Variants in PLEKHM3 observed in about 807,000 individuals in gnomAD.
PLEKHM3 encodes the protein pleckstrin homology domain containing M3.
PLEKHM3 carries 45 observed loss-of-function variants against 81.8 expected under a neutral mutation model. The observed-to-expected ratio is 0.55, with a 90% CI of 0.43 to 0.71. The LOEUF is 0.71. Ranked by LOEUF, PLEKHM3 falls within the 30% of genes least tolerant of loss-of-function variation. The probability of loss-of-function intolerance (pLI) is 0.00; values close to 1 mark genes in which losing one functional copy is unlikely to be tolerated. For missense variants in PLEKHM3, 788 were observed against 924.3 expected, an observed-to-expected ratio of 0.85 and a Z score of 1.91; for synonymous variants, 352 against 356.4, an observed-to-expected ratio of 0.99 and a Z score of 0.14.
intron 4 of PLEKHM3, among the ~76,000 whole-genome samples, chr2:207,940,880 G>T (rs749526277): frequency 6.6e-5 from 10 of 152,284 alleles, no homozygotes; most frequent in Middle Eastern, 3.4e-3. Context: ...AAGAGAAGGG[G>T]TTCTTCTTTC....
At position 208,001,738 on chromosome 2, in the gene PLEKHM3, T is replaced by C. The variant is rs764036845; in HGVS notation, c.-99A>G. 318 of 1,501,318 alleles carry C rather than the reference T, an allele frequency of 2.1e-4. No individual in the cohort carries two copies. Among genetic ancestry groups the C allele is most frequent in the Non-Finnish European group, 2.7e-4 (305 of 1,131,724 alleles). The allele number at this position is 1,501,318 out of a possible 1,614,324, so 93.0% of individuals were successfully genotyped here. ...GAGGGGTGCTTCAGCAATAGAGCTA[T>C]GGAAACAACTGGAAGAAACCTTCAT... is the stretch of plus-strand genomic sequence containing the variant. On this transcript the variant is annotated 5_prime_UTR_variant, in exon 2 of 8. Coordinates refer to ENST00000427836, the MANE Select transcript of PLEKHM3 (RefSeq NM_001080475.3).
In PLEKHM3 at chr2:207,977,540, C is replaced by T. The variant is rs1485705764; in HGVS notation, c.657G>A (p.Glu219=). Residue 219 remains glutamate, a synonymous_variant, in exon 3 of 8, where the codon GAG becomes GAA. Transcript: ENST00000427836. The part of the protein sequence containing the change: ...FPNILKKGYL[E]IRKDHDSYWQ... ...AGTAACTGTCATGGTCCTTTCTAATCTCCAGGTAACCCTTCTTTAGAATGT... is the reference window on the plus strand; with the variant it reads ...AGTAACTGTCATGGTCCTTTCTAATTTCCAGGTAACCCTTCTTTAGAATGT... 2 of 1,613,314 alleles carry T rather than the reference C, an allele frequency of 1.2e-6. No homozygotes were observed. Among genetic ancestry groups the T allele is most frequent in the Admixed American group, 1.7e-5 (1 of 59,884 alleles).
chr2:208,011,478 A>T (rs2106113247), intron 1 of PLEKHM3, among the ~76,000 whole-genome samples: 1 of 152,272 alleles, frequency 6.6e-6, no homozygotes, highest in Middle Eastern at 3.4e-3. Context: ...ATGGGATTGG[A>T]GACTACTATT....
chr2:207,970,632 C>T (rs1283000936), intron 3 of PLEKHM3, among the ~76,000 whole-genome samples: 1 of 152,158 alleles, frequency 6.6e-6, no homozygotes, highest in African/African-American at 2.4e-5. Flanking sequence ...GCCTTTGATT[C>T]CCACTCAGAC....
chr2:207,996,059 G>A (rs1258135244), intron 2 of PLEKHM3, among the ~76,000 whole-genome samples: 1 of 152,208 alleles, frequency 6.6e-6, no homozygotes, highest in Non-Finnish European at 1.5e-5. Flanking sequence ...TGTAAGAAGG[G>A]AAATCTTAAT....
At chr2:207,937,980 C>G (rs1459398890) in intron 4 of PLEKHM3, among the ~76,000 whole-genome samples, 4 of 152,196 alleles carry the variant, frequency 2.6e-5, no homozygotes, top group African/African-American at 9.7e-5. Context: ...CATCAGTGAG[C>G]TTTTCCTCAG....
At chr2:207,998,916 G>A (rs1051756674) in intron 2 of PLEKHM3, among the ~76,000 whole-genome samples, 11 of 152,096 alleles carry the variant, frequency 7.2e-5, no homozygotes, top group Non-Finnish European at 1.5e-4. Flanking sequence ...AGGTGCAACT[G>A]CTTGTACATG....
At chr2:207,874,446 C>T (rs1035896850) in intron 6 of PLEKHM3, among the ~76,000 whole-genome samples, 1 of 151,856 alleles carries the variant, frequency 6.6e-6, no homozygotes, top group African/African-American at 2.4e-5. Context: ...TGATGGCACA[C>T]GCCTGTAATC....
Position 207,834,565 on chromosome 2 carries a change from A to G in PLEKHM3, c.2109-6069T>C, listed in dbSNP as rs1368671915. 2.6e-5 allele frequency among the ~76,000 whole-genome samples: 4 copies of G among 151,656 alleles called. No homozygotes were observed. The South Asian group carries it at 6.2e-4, about 24-fold the overall frequency. ...CTCAGCCTCCCAACTAGCTGGGATT[A>G]CAGGCATGTGCCACCACGCCTGGCT... On this transcript the variant is annotated intron_variant, in intron 7 of 7. Transcript: ENST00000427836.
At chr2:207,865,797 A>ATATATATATATAT (rs1559212735) in intron 6 of PLEKHM3, among the ~76,000 whole-genome samples, 2 of 38,108 alleles carry the variant, frequency 5.2e-5, no homozygotes, top group African/African-American at 2.7e-4. Context: ...AAAAAAAAAA[A>ATATATATATATAT]AAAAAGATAT....
chr2:207,958,912 T>G (rs1433902922), intron 3 of PLEKHM3, among the ~76,000 whole-genome samples: 1 of 151,840 alleles, frequency 6.6e-6, no homozygotes, highest in East Asian at 1.9e-4. Flanking sequence ...AGACTCCATC[T>G]CAAAAATAAT....
chr2:207,925,847 G>A (rs746663453), intron 5 of PLEKHM3, among the ~76,000 whole-genome samples: 5 of 152,002 alleles, frequency 3.3e-5, no homozygotes, highest in African/African-American at 1.2e-4. Context: ...CTTTGAAGTC[G>A]ACCTGGTGTT....
chr2:207,994,779 T>G (rs1036094750), intron 2 of PLEKHM3, among the ~76,000 whole-genome samples: 1 of 152,178 alleles, frequency 6.6e-6, no homozygotes, highest in African/African-American at 2.4e-5. Context: ...GACAAAACTA[T>G]TCAATCCTCA....
intron 3 of PLEKHM3, among the ~76,000 whole-genome samples, chr2:207,966,482 C>T (rs1690911453): frequency 6.6e-6 from 1 of 152,214 alleles, no homozygotes; most frequent in South Asian, 2.1e-4. Context: ...CTTCCCTATT[C>T]TAGGTTACAT....
chr2:207,941,845 C>T (rs763900799), intron 4 of PLEKHM3, among the ~76,000 whole-genome samples: 1 of 152,148 alleles, frequency 6.6e-6, no homozygotes, highest in Non-Finnish European at 1.5e-5. Context: ...ATACAAATAG[C>T]CAACAGGTAT....
At chr2:207,995,954 T>A (rs1313196583) in intron 2 of PLEKHM3, among the ~76,000 whole-genome samples, 1 of 152,178 alleles carries the variant, frequency 6.6e-6, no homozygotes, top group Admixed American at 6.5e-5. Flanking sequence ...GAAAACGTTA[T>A]AAAATTATCT....
At chr2:207,880,251 A>G (rs901764592) in intron 6 of PLEKHM3, among the ~76,000 whole-genome samples, 2 of 152,078 alleles carry the variant, frequency 1.3e-5, no homozygotes, top group Non-Finnish European at 2.9e-5. Context: ...TACTAAAAAC[A>G]CAAAAATTAG....
intron 6 of PLEKHM3, among the ~76,000 whole-genome samples, chr2:207,908,275 G>A (rs76087595): frequency 0.01 from 1,538 of 152,252 alleles, 27 homozygotes; most frequent in African/African-American, 0.035. Flanking sequence ...AGTGGCTAAC[G>A]TACTTTGCAT....
Position 207,824,067 on chromosome 2 carries a change from C to T in PLEKHM3, c.*4252G>A, listed in dbSNP as rs1460606710. The T allele has an allele frequency of 6.6e-6, 1 of 152,236 alleles. No individual in the cohort carries two copies. The highest frequency in any genetic ancestry group is 1.5e-5 in the Non-Finnish European group (1 of 68,048). 9.4% of individuals were successfully genotyped at this position (152,236 alleles called of 1,614,324 possible). A position where few individuals can be genotyped will look rare whatever the true frequency, so the allele number is the denominator to read the frequency against. ...TTCGACCTCGAGCAGACAGCTCTAC[C>T]TGACTCAGGGTCGGAAGAGTGATAC... is the stretch of plus-strand genomic sequence containing the variant. On this transcript the variant is annotated 3_prime_UTR_variant, in exon 8 of 8. Coordinates refer to ENST00000427836, the MANE Select transcript of PLEKHM3 (RefSeq NM_001080475.3).
Sources: gnomAD v4.1 joint callset for allele counts (sites outside exome capture counted in the v4.1 genomes callset) on GRCh38, gnomAD v4.1.1 for gene constraint, MANE v1.5 for transcripts, NCBI Gene and HGNC (gene_info 2026-07-23, HGNC 2026-07-21) for gene names.